The following LYG2 variants were observed in gnomAD, a reference collection of about 807,000 sequenced individuals.
The protein encoded by LYG2 is lysozyme g2.
Under a neutral mutation model 22.4 loss-of-function variants are expected in LYG2, and 25 were observed. The ratio of observed to expected loss-of-function variants is 1.12; its 90% CI spans 0.81 to 1.56. The LOEUF (loss-of-function observed/expected upper bound fraction) is 1.56, where lower values mean the gene tolerates loss of function less well. LYG2 is among the 40% of genes most tolerant of loss of function. The probability of loss-of-function intolerance (pLI) is 0.00; values close to 1 mark genes in which losing one functional copy is unlikely to be tolerated. For synonymous variants in LYG2, 88 were observed against 97.0 expected, an observed-to-expected ratio of 0.91 and a Z score of 0.55; for missense variants, 266 against 269.5, an observed-to-expected ratio of 0.99 and a Z score of 0.09.
At chr2:99,251,142 A>C (rs2094025869) in intron 3 of LYG2, among the ~76,000 whole-genome samples, 1 of 152,136 alleles carries the variant, frequency 6.6e-6, no homozygotes, top group Non-Finnish European at 1.5e-5. Flanking sequence ...TAGGGGATAG[A>C]CTAACTATCT....
chr2:99,243,495 TAGATAGA>T, intron 6 of LYG2: 1 of 880,094 alleles, frequency 1.1e-6, no homozygotes. Context: ...GGCAAACAGA[TAGATAGA>T]TAGATAGATA....
intron 3 of LYG2, among the ~76,000 whole-genome samples, chr2:99,253,300 T>C (rs1441187522): frequency 6.6e-6 from 1 of 152,166 alleles, no homozygotes; most frequent in Non-Finnish European, 1.5e-5. Context: ...ACACAGCTAA[T>C]ATGGTAGCTC....
chr2:99,258,852 A>C (rs914755998), upstream of LYG2, among the ~76,000 whole-genome samples: 76 of 152,234 alleles, frequency 5.0e-4, no homozygotes, highest in Non-Finnish European at 8.8e-5. Flanking sequence ...CTGTTGAAGA[A>C]GCCACTTATA....
chr2:99,248,598 G>C (rs1445846186), intron 3 of LYG2, among the ~76,000 whole-genome samples: 1 of 132,908 alleles, frequency 7.5e-6, no homozygotes, highest in Non-Finnish European at 1.6e-5. Flanking sequence ...TGGAGGGAGG[G>C]GGGAGGGATA....
chr2:99,247,968 A>G (rs905609574), intron 3 of LYG2, among the ~76,000 whole-genome samples: 4 of 152,226 alleles, frequency 2.6e-5, no homozygotes, highest in African/African-American at 9.6e-5. Context: ...GCAGCCAAAA[A>G]ACACATGAAA....
chr2:99,243,356 G>T (rs2094009630), intron 6 of LYG2: 2 of 1,398,290 alleles, frequency 1.4e-6, no homozygotes, highest in Admixed American at 2.1e-5. Context: ...CCTGTGGTCA[G>T]CCAAGCAGAG....
At chr2:99,258,891 AAC>A (rs1381976296), upstream of LYG2, among the ~76,000 whole-genome samples, 1 of 152,238 alleles carries the variant, frequency 6.6e-6, no homozygotes, top group African/African-American at 2.4e-5. Flanking sequence ...TCCAATGTCA[AAC>A]ATTTGACCAA....
chr2:99,243,597 G>A (rs927731310), intron 6 of LYG2: 1 of 1,047,886 alleles, frequency 9.5e-7, no homozygotes, highest in Non-Finnish European at 1.4e-6. Flanking sequence ...GTGCAGTGAT[G>A]TAATCAATGC....
In LYG2 at chr2:99,254,265, G is replaced by A. The variant is rs1422782645; in HGVS notation, c.-5C>T. The A allele has an allele frequency of 6.2e-7, 1 of 1,613,812 alleles. No individual in the cohort carries two copies. The highest frequency in any genetic ancestry group is 1.3e-5 in the African/African-American group (1 of 74,994). On this transcript the variant is annotated 5_prime_UTR_variant, in exon 3 of 7. Transcript: ENST00000333017. ...AAACACCACGGAGGATAACATGGCGGGGAATCTTATCTTCCAGGACCTGCT... is the reference window on the plus strand; with the variant it reads ...AAACACCACGGAGGATAACATGGCGAGGAATCTTATCTTCCAGGACCTGCT...
intron 3 of LYG2, among the ~76,000 whole-genome samples, chr2:99,249,367 C>G (rs1574863956): frequency 6.6e-6 from 1 of 151,230 alleles, no homozygotes; most frequent in East Asian, 1.9e-4. Context: ...CTGCAGTGAG[C>G]TTTGATGGTG....
intron 3 of LYG2, among the ~76,000 whole-genome samples, chr2:99,250,154 G>A (rs1364261758): frequency 1.3e-5 from 2 of 152,088 alleles, no homozygotes; most frequent in Non-Finnish European, 2.9e-5. Flanking sequence ...CTCAAAGCCT[G>A]TATGTTTGTG....
chr2:99,259,684 A>G (rs1020531426), upstream of LYG2, among the ~76,000 whole-genome samples: 1 of 152,232 alleles, frequency 6.6e-6, no homozygotes, highest in Non-Finnish European at 1.5e-5. Context: ...TTACATAACT[A>G]TAGTACATGT....
At chr2:99,260,778 G>T in the LYG2 span, among the ~76,000 whole-genome samples, 2 of 152,326 alleles carry the variant, frequency 1.3e-5, no homozygotes, top group South Asian at 2.1e-4. Flanking sequence ...GCAGGAATGG[G>T]ACTGCCTCTT....
chr2:99,253,695 T>C (rs1198329982), intron 3 of LYG2, among the ~76,000 whole-genome samples: 2 of 152,156 alleles, frequency 1.3e-5, no homozygotes, highest in Non-Finnish European at 2.9e-5. Flanking sequence ...CTGAAATCTT[T>C]CTTCCCATCC....
intron 6 of LYG2, 89 bp downstream of exon 6, chr2:99,243,910 G>A: frequency 2.0e-6 from 3 of 1,512,222 alleles, no homozygotes; most frequent in South Asian, 1.2e-5. Flanking sequence ...TGACCCCGTG[G>A]AAATGCTCCC....
At chr2:99,248,888 T>C (rs111772544) in intron 3 of LYG2, among the ~76,000 whole-genome samples, 1 of 152,186 alleles carries the variant, frequency 6.6e-6, no homozygotes, top group African/African-American at 2.4e-5. Flanking sequence ...AGTTCCTATG[T>C]ATATTTAATA....
At chr2:99,250,937 T>C (rs755765054) in intron 3 of LYG2, among the ~76,000 whole-genome samples, 25 of 152,352 alleles carry the variant, frequency 1.6e-4, no homozygotes, top group Non-Finnish European at 2.5e-4. Flanking sequence ...CTGTATATAC[T>C]CCTGTAAAAT....
At chr2:99,257,102 C>T (rs1165570880), upstream of LYG2, among the ~76,000 whole-genome samples, 4 of 152,224 alleles carry the variant, frequency 2.6e-5, no homozygotes, top group East Asian at 5.8e-4. Flanking sequence ...CTCTGCAGAG[C>T]AATCATTGCA....
At position 99,246,800 on chromosome 2, in the gene LYG2, G is replaced by T. The variant is rs778600099; in HGVS notation, c.64C>A (p.Pro22Thr). 2.7e-5 allele frequency: 44 copies of T among 1,613,324 alleles called. No homozygotes were observed. The highest frequency in any genetic ancestry group is 3.1e-5 in the Non-Finnish European group (37 of 1,179,844). The change falls in exon 4 of 7, where the codon CCC (proline) becomes ACC (threonine). Residue 22 changes from proline to threonine, a missense_variant. Coordinates refer to ENST00000333017, the MANE Select transcript of LYG2 (RefSeq NM_175735.4). ...TGAGGCTTCATTGAGTGACTGAAGG[G>T]GTATGAGCCCCTGGAAGTGCCTAGG... ...ALIGTSRGSY[P>T]FSHSMKPHLH... is the part of the protein sequence containing the mutation.
Sources: gnomAD v4.1 joint callset for allele counts (sites outside exome capture counted in the v4.1 genomes callset) on GRCh38, gnomAD v4.1.1 for gene constraint, MANE v1.5 for transcripts, NCBI Gene and HGNC (gene_info 2026-07-23, HGNC 2026-07-21) for gene names.